Variants in HTATIP2 observed in about 807,000 individuals in gnomAD.
HTATIP2 encodes the protein HIV-1 Tat interactive protein 2.
In HTATIP2, 26 loss-of-function variants were observed where a neutral mutation model predicts 24.7. The observed-to-expected ratio is 1.05, with a 90% CI of 0.77 to 1.46. HTATIP2 has a LOEUF of 1.46. Ranked by LOEUF, HTATIP2 falls within the 40% of genes most tolerant of loss-of-function variation. The probability of loss-of-function intolerance (pLI) is 0.00; values close to 1 mark genes in which losing one functional copy is unlikely to be tolerated. For missense variants in HTATIP2, 284 were observed against 289.6 expected (o/e 0.98, Z 0.14); for synonymous variants, 99 against 113.2 (o/e 0.87, Z 0.79).
chr11:20,369,810 T>A (rs923976749), intron 2 of HTATIP2, among the ~76,000 whole-genome samples: 13 of 152,322 alleles, frequency 8.5e-5, no homozygotes, highest in Admixed American at 7.2e-4. Context: ...TAATGGGGGT[T>A]AGGAGTTCAA....
rs568872735 is a variant in HTATIP2, at chr11:20,371,248, G to A, written c.303+3967G>A. On this transcript the variant is annotated intron_variant, in intron 2 of 4. Transcript: ENST00000451739. Reference sequence around the variant, plus strand: ...TCTAGGAGGGGGCTTGTGAAGTGGCGAGGTCCTAGCTGGTTCAAGGGACCC... The same window carrying A: ...TCTAGGAGGGGGCTTGTGAAGTGGCAAGGTCCTAGCTGGTTCAAGGGACCC... 1.3e-3 allele frequency among the ~76,000 whole-genome samples: 198 copies of A among 152,188 alleles called. 1 individual carries two copies. The highest frequency in any genetic ancestry group is 4.5e-3 in the African/African-American group (187 of 41,532).
rs747025235 is a variant in HTATIP2, at chr11:20,364,349, A to G, written c.112A>G (p.Ile38Val). The change falls in exon 1 of 5, where the codon ATC becomes GTC. Residue 38 changes from isoleucine (I) to valine (V), a missense_variant. Ile to Val is a conservative substitution (Grantham distance 29). Coordinates refer to ENST00000451739, the MANE Select transcript of HTATIP2 (RefSeq NM_001098522.2). ...GETGRVLLKE[I>V]LEQGLFSKVT... The stretch of plus-strand genomic sequence containing the variant: ...AACCGGCAGAGTGCTCTTAAAGGAA[A>G]TCCTGGAGCAGGGCCTGTTTTCCAA... The G allele has an allele frequency of 4.3e-6, 7 of 1,613,628 alleles. No homozygotes were observed. The highest frequency in any genetic ancestry group is 5.9e-6 in the Non-Finnish European group (7 of 1,179,664).
rs111392156 is a variant in HTATIP2, at chr11:20,382,287, T to C, written c.503+48T>C. ...ATGAGAGTATGCCACTGATGGTTAA[T>C]CCCTAGATACTAATTTTTCATTTGG... On this transcript the variant is annotated intron_variant, in intron 4 of 4. Coordinates refer to ENST00000451739, the MANE Select transcript of HTATIP2 (RefSeq NM_001098522.2). 1,216 of 1,019,138 alleles carry C rather than the reference T, an allele frequency of 1.2e-3. 5 individuals are homozygous for C. In the African/African-American group the frequency reaches 0.017, roughly 14 times the overall value. 63.1% of individuals were successfully genotyped at this position (1,019,138 alleles called of 1,614,324 possible). A position where few individuals can be genotyped will look rare whatever the true frequency, so the allele number is the denominator to read the frequency against.
At chr11:20,373,288 G>A (rs565437947) in intron 2 of HTATIP2, among the ~76,000 whole-genome samples, 23 of 152,258 alleles carry the variant, frequency 1.5e-4, no homozygotes, top group Admixed American at 6.5e-4. Flanking sequence ...TCTGATGGCC[G>A]GGGTGGTATT....
intron 2 of HTATIP2, among the ~76,000 whole-genome samples, chr11:20,375,189 C>T (rs138003655): frequency 0.015 from 2,224 of 152,076 alleles, 31 homozygotes; most frequent in Non-Finnish European, 0.021. Flanking sequence ...TCCTAAGGTA[C>T]CTTCTAACAT....
chr11:20,379,638 G>A (rs1045998759), intron 3 of HTATIP2, among the ~76,000 whole-genome samples: 5 of 152,204 alleles, frequency 3.3e-5, no homozygotes, highest in Admixed American at 1.3e-4. Context: ...TGCTGGTGCC[G>A]TGGGGAGACG....
At chr11:20,381,193 C>T (rs1848516753) in intron 3 of HTATIP2, among the ~76,000 whole-genome samples, 2 of 152,008 alleles carry the variant, frequency 1.3e-5, no homozygotes, top group African/African-American at 4.8e-5. Flanking sequence ...AATCCCAGCA[C>T]TTTGGGAGGC....
chr11:20,365,870 C>T (rs994523004), intron 1 of HTATIP2, among the ~76,000 whole-genome samples: 3 of 148,218 alleles, frequency 2.0e-5, no homozygotes, highest in South Asian at 2.2e-4. Flanking sequence ...ACTCAGGAGG[C>T]GGAGGTGCGA....
At chr11:20,366,728 G>A (rs1044709139) in intron 1 of HTATIP2, among the ~76,000 whole-genome samples, 2 of 151,750 alleles carry the variant, frequency 1.3e-5, no homozygotes, top group Non-Finnish European at 2.9e-5. Context: ...CCATTTTACA[G>A]CTGAAAAAAA....
chr11:20,373,493 C>G (rs1228093758), intron 2 of HTATIP2, among the ~76,000 whole-genome samples: 1 of 152,122 alleles, frequency 6.6e-6, no homozygotes, highest in Middle Eastern at 3.2e-3. Context: ...GAGACAGCGT[C>G]GGTCAGGAGA....
At chr11:20,367,460 G>T in intron 2 of HTATIP2, 179 bp downstream of exon 2, 1 of 1,471,110 alleles carries the variant, frequency 6.8e-7, no homozygotes, top group South Asian at 1.4e-5. Flanking sequence ...TGATAAGTTC[G>T]TCTTTCAAAG....
intron 2 of HTATIP2, 122 bp from the exon 3 acceptor site, chr11:20,376,458 G>A: frequency 9.2e-7 from 1 of 1,092,294 alleles, no homozygotes; most frequent in Non-Finnish European, 1.4e-6. Context: ...TGTATTGCTT[G>A]GACACATTTT....
intron 2 of HTATIP2, 77 bp from the exon 3 acceptor site, chr11:20,376,503 G>T: frequency 6.5e-7 from 1 of 1,528,790 alleles, no homozygotes. Flanking sequence ...CTCCCAGCCT[G>T]CTACCCAAGC....
rs1194400331 is a variant in HTATIP2 at position 20,363,782 on chromosome 11, C to T, written c.-456C>T. ...CTGTCTCCGTCGCCTCCAACCCCCC[C>T]GGTCCGACCAGGGAAGGTGGGATGC... On this transcript the variant is annotated 5_prime_UTR_variant, in exon 1 of 5. Transcript: ENST00000451739. The T allele has an allele frequency of 6.4e-6, 8 of 1,240,990 alleles. No homozygotes were observed. The South Asian group carries it at 2.5e-4, about 38-fold the overall frequency. The allele number at this position is 1,240,990 out of a possible 1,614,324, so 76.9% of individuals were successfully genotyped here.
At chr11:20,366,093 T>C (rs1039313626) in intron 1 of HTATIP2, among the ~76,000 whole-genome samples, 12 of 147,828 alleles carry the variant, frequency 8.1e-5, no homozygotes, top group African/African-American at 3.0e-4. Flanking sequence ...TCTTTTCTTT[T>C]CTTTTCTTTT....
At position 20,380,716 on chromosome 11, in the gene HTATIP2, A is replaced by G. The variant is rs571469312; in HGVS notation, c.442-1462A>G. 2.6e-5 allele frequency among the ~76,000 whole-genome samples: 4 copies of G among 152,146 alleles called. No homozygotes were observed. In the East Asian group the frequency reaches 7.7e-4, roughly 29 times the overall value. On this transcript the variant is annotated intron_variant, in intron 3 of 4. Transcript: ENST00000451739. Reference sequence around the variant, plus strand: ...AGCTAAGAAATGTGTGTACACATAAAATCTTGTGTATGACTGTTCATAGCA... The same window carrying G: ...AGCTAAGAAATGTGTGTACACATAAGATCTTGTGTATGACTGTTCATAGCA...
chr11:20,366,295 C>T lies in HTATIP2; in HGVS notation c.196-879C>T, dbSNP rs184846641. On this transcript the variant is annotated intron_variant, in intron 1 of 4. Transcript: ENST00000451739. ...TTTTTTTTTGCATTTTTAGTAGAGA[C>T]GGGGTTTCACCATGTTAGCCAGGAT... Among the ~76,000 whole-genome samples the T allele has an allele frequency of 9.8e-3, 1,484 of 151,348 alleles. 26 individuals carry two copies. Among genetic ancestry groups the T allele is most frequent in the African/African-American group, 0.034 (1,399 of 41,276 alleles).
At chr11:20,374,188 G>A (rs1848407483) in intron 2 of HTATIP2, among the ~76,000 whole-genome samples, 1 of 152,122 alleles carries the variant, frequency 6.6e-6, no homozygotes, top group African/African-American at 2.4e-5. Context: ...TGGAACTGGT[G>A]GCAGAGCATG....
rs954472607 is a variant in HTATIP2 at position 20,364,222 on chromosome 11, A to C, written c.-16A>C. 6.3e-7 allele frequency: 1 copy of C among 1,585,388 alleles called. No individual in the cohort carries two copies. Among genetic ancestry groups the C allele is most frequent in the African/African-American group, 1.3e-5 (1 of 74,114 alleles). ...GACACCCTAAGACCGGCATCTGTCG[A>C]TGTTATTTCCCCAGCATGGCCGAAA... On this transcript the variant is annotated 5_prime_UTR_variant, in exon 1 of 5. It removes an upstream start codon present in the reference 5' UTR. Transcript: ENST00000451739.
Sources: gnomAD v4.1 joint callset for allele counts (sites outside exome capture counted in the v4.1 genomes callset) on GRCh38, gnomAD v4.1.1 for gene constraint, MANE v1.5 for transcripts, NCBI Gene and HGNC (gene_info 2026-07-23, HGNC 2026-07-21) for gene names.